Variants in SIK3 observed in about 807,000 individuals in gnomAD.
The protein encoded by SIK3 is serine/threonine-protein kinase SIK3.
In SIK3, 28 loss-of-function variants were observed where a neutral mutation model predicts 144.2. The observed-to-expected ratio is 0.19, with a 90% CI of 0.14 to 0.27. The LOEUF (loss-of-function observed/expected upper bound fraction) is 0.27. SIK3 is among the 10% of genes least tolerant of loss of function. The probability of loss-of-function intolerance (pLI) is 1.00; values close to 1 mark genes in which losing one functional copy is unlikely to be tolerated. For missense variants in SIK3, 1,319 were observed against 1,776.0 expected (o/e 0.74, Z 4.62); for synonymous variants, 686 against 676.3 (o/e 1.01, Z -0.22).
At chr11:117,097,933 C>T (rs1283956236) in intron 1 of SIK3, among the ~76,000 whole-genome samples, 3 of 151,596 alleles carry the variant, frequency 2.0e-5, no homozygotes, top group East Asian at 2.0e-4. Flanking sequence ...GTGCTCTGTG[C>T]CCTCGGCCCC....
chr11:117,066,535 T>C (rs1954027194), intron 1 of SIK3, among the ~76,000 whole-genome samples: 1 of 14,252 alleles, frequency 7.0e-5, no homozygotes, highest in African/African-American at 1.9e-4. Context: ...GAAACAATCC[T>C]TTTTTTTTTT....
At chr11:117,010,894 T>G (rs982603399) in intron 1 of SIK3, among the ~76,000 whole-genome samples, 4 of 152,116 alleles carry the variant, frequency 2.6e-5, no homozygotes, top group Non-Finnish European at 5.9e-5. Flanking sequence ...CCGAGGTGGC[T>G]GGGTCACTGG....
intron 1 of SIK3, among the ~76,000 whole-genome samples, chr11:117,031,174 A>G (rs1176186089): frequency 6.6e-6 from 1 of 152,056 alleles, no homozygotes; most frequent in Non-Finnish European, 1.5e-5. Context: ...CAACTTACCA[A>G]TTTTTCCTTT....
At chr11:117,021,928 C>CAAA (rs71037444) in intron 1 of SIK3, among the ~76,000 whole-genome samples, 1,228 of 58,822 alleles carry the variant, frequency 0.021, 186 homozygotes, top group Middle Eastern at 0.031. Context: ...TCTGTCTCTA[C>CAAA]AAAAAAAAAA....
At chr11:117,093,453 C>T (rs1381437275) in intron 1 of SIK3, among the ~76,000 whole-genome samples, 2 of 152,178 alleles carry the variant, frequency 1.3e-5, no homozygotes, top group African/African-American at 2.4e-5. Flanking sequence ...TGCTTGTGCA[C>T]GCAAGGGCAA....
intron 3 of SIK3, among the ~76,000 whole-genome samples, chr11:116,951,803 G>A (rs1230972665): frequency 6.6e-6 from 1 of 151,988 alleles, no homozygotes. Context: ...GCATGGTGGT[G>A]TATACCTACA....
In SIK3 at chr11:116,858,078, G is replaced by A. The variant is rs372950236; in HGVS notation, c.3387C>T (p.His1129=). 13 of 1,613,712 alleles carry A rather than the reference G, an allele frequency of 8.1e-6. No homozygotes were observed. The highest frequency in any genetic ancestry group is 3.3e-5 in the South Asian group (3 of 91,026). The change falls in exon 21 of 25, where the codon CAC becomes CAT. Residue 1129 remains histidine, a synonymous_variant. Coordinates refer to ENST00000445177, the MANE Select transcript of SIK3 (RefSeq NM_001366686.3). This position sits in a 1 kb window ranked among gnomAD's most constrained non-coding sequence, Gnocchi z 5.4. ...TCAGTGCCGGCTGGTGAGCATACCC[G>A]TGGGGCGGGGTGGGTGAGGAAGCCT... The part of the protein sequence containing the change: ...VSQASSPTPP[H]GYAHQPALMH...
chr11:117,033,739 GA>G (rs894461883), intron 1 of SIK3, among the ~76,000 whole-genome samples: 13 of 138,560 alleles, frequency 9.4e-5, no homozygotes, highest in South Asian at 4.6e-4. Flanking sequence ...GAAAAGAAAA[GA>G]AAAAAAAAGA....
At chr11:116,975,745 T>C (rs566833051) in intron 1 of SIK3, among the ~76,000 whole-genome samples, 11 of 152,238 alleles carry the variant, frequency 7.2e-5, no homozygotes, top group Non-Finnish European at 1.6e-4. Context: ...CTGGGTTATA[T>C]GGTAATTCCA....
rs1944297747 is a variant in SIK3 at position 116,877,118 on chromosome 11, G to A, written c.866-76C>T. 4 of 1,267,884 alleles carry A rather than the reference G, an allele frequency of 3.2e-6. No homozygotes were observed. In the East Asian group the frequency reaches 6.9e-5, roughly 22 times the overall value. 78.5% of individuals were successfully genotyped at this position (1,267,884 alleles called of 1,614,324 possible). ...GGGGAGTAGAGGAACCAGGGGCAAAGCCAGCAGGGAGGCTATCCAACTCCC... is the reference window on the plus strand; with the variant it reads ...GGGGAGTAGAGGAACCAGGGGCAAAACCAGCAGGGAGGCTATCCAACTCCC... On this transcript the variant is annotated intron_variant, in intron 6 of 24. Coordinates refer to ENST00000445177, the MANE Select transcript of SIK3 (RefSeq NM_001366686.3).
rs200671503 is a variant in SIK3 at position 116,947,262 on chromosome 11, T to TTATA, written c.454+6778_454+6781dup. Among the ~76,000 whole-genome samples the TTATA allele has an allele frequency of 2.6e-4, 26 of 100,408 alleles. No homozygotes were observed. In the South Asian group the frequency reaches 5.5e-3, roughly 21 times the overall value. The allele number at this position is 100,408 out of a possible 152,430, so 65.9% of individuals were successfully genotyped here. A position where few individuals can be genotyped will look rare whatever the true frequency, so the allele number is the denominator to read the frequency against. On this transcript the variant is annotated intron_variant, in intron 3 of 24. Coordinates refer to ENST00000445177, the MANE Select transcript of SIK3 (RefSeq NM_001366686.3). ...TTTATATATAATTATTATTTATATATTATATATATATATAAAGTCAGAGAA... is the reference window on the plus strand; with the variant it reads ...TTTATATATAATTATTATTTATATATTATATATATATATATATAAAGTCAGAGAA...
In SIK3 at chr11:116,857,767, AG is replaced by A. The variant is rs1435947137; in HGVS notation, c.3655+42del. 1.9e-6 allele frequency: 3 copies of A among 1,597,450 alleles called. No homozygotes were observed. The Admixed American group carries it at 5.3e-5, about 28-fold the overall frequency. On this transcript the variant is annotated intron_variant, in intron 21 of 24. Transcript: ENST00000445177. Reference sequence around the variant, plus strand: ...GATAACATTACTGAGTCAGTTGATTAGGGCAGACTGGCCCAGGACTTCCACT... The same window carrying A: ...GATAACATTACTGAGTCAGTTGATTAGGCAGACTGGCCCAGGACTTCCACT...
At chr11:117,037,206 A>G (rs1257480358) in intron 1 of SIK3, among the ~76,000 whole-genome samples, 2 of 152,230 alleles carry the variant, frequency 1.3e-5, no homozygotes, top group African/African-American at 2.4e-5. Context: ...AGGCCATAGC[A>G]AACACAGCAT....
chr11:116,983,088 G>A (rs1000283494), intron 1 of SIK3, among the ~76,000 whole-genome samples: 22 of 151,600 alleles, frequency 1.5e-4, no homozygotes, highest in African/African-American at 5.1e-4. Context: ...TTAGCCGGGC[G>A]TGGTGGCAGG....
intron 1 of SIK3, among the ~76,000 whole-genome samples, chr11:117,028,131 A>G (rs1299075735): frequency 1.3e-5 from 2 of 152,162 alleles, no homozygotes; most frequent in Non-Finnish European, 1.5e-5. Context: ...CAAAAGAACT[A>G]AAGATCAGAG....
intron 1 of SIK3, among the ~76,000 whole-genome samples, chr11:117,026,467 C>T (rs1057451756): frequency 6.6e-6 from 1 of 152,048 alleles, no homozygotes; most frequent in African/African-American, 2.4e-5. Context: ...ACTAATGAAA[C>T]AATTTTGACC....
chr11:116,951,939 AGAATAAATAAATAAAT>A (rs1948954823), intron 3 of SIK3, among the ~76,000 whole-genome samples: 1 of 112,122 alleles, frequency 8.9e-6, no homozygotes, highest in African/African-American at 3.3e-5. Flanking sequence ...AGCTCAAAAA[AGAATAAATAAATAAAT>A]AAATAAATAA....
At chr11:116,948,441 C>G (rs1220369758) in intron 3 of SIK3, among the ~76,000 whole-genome samples, 1 of 152,018 alleles carries the variant, frequency 6.6e-6, no homozygotes, top group East Asian at 1.9e-4. Flanking sequence ...CCACATCCGG[C>G]TAATTTTTTA....
At chr11:117,051,870 G>A (rs111530588) in intron 1 of SIK3, among the ~76,000 whole-genome samples, 17,955 of 151,804 alleles carry the variant, frequency 0.12, 1,753 homozygotes, top group African/African-American at 0.27. Flanking sequence ...CAGGCCGGGC[G>A]TGGTGGCTCA....
Sources: gnomAD v4.1 joint callset for allele counts (sites outside exome capture counted in the v4.1 genomes callset) on GRCh38, gnomAD v4.1.1 for gene constraint, Gnocchi (gnomAD v3.1) non-coding constraint, MANE v1.5 for transcripts, NCBI Gene and HGNC (gene_info 2026-07-23, HGNC 2026-07-21) for gene names.